ABCD2: variants seen among roughly 807,000 people sequenced by gnomAD.
ABCD2 encodes ATP binding cassette subfamily D member 2.
A neutral mutation model predicts 70.9 loss-of-function variants in ABCD2; 36 were observed. That is an observed-to-expected ratio of 0.51 (90% CI 0.39 to 0.67). The LOEUF (loss-of-function observed/expected upper bound fraction) is 0.67. Ranked by LOEUF, ABCD2 falls within the 30% of genes least tolerant of loss-of-function variation. The probability of loss-of-function intolerance (pLI) is 0.00; values close to 1 mark genes in which losing one functional copy is unlikely to be tolerated. For missense variants in ABCD2, 729 were observed against 890.2 expected (o/e 0.82, Z 2.30); for synonymous variants, 304 against 306.9 (o/e 0.99, Z 0.10).
chr12:39,553,975 T>G lies in ABCD2; in HGVS notation c.2160A>C (p.Leu720=), dbSNP rs772301519. 1 of 1,613,326 alleles carries G rather than the reference T, an allele frequency of 6.2e-7. No individual in the cohort carries two copies. The highest frequency in any genetic ancestry group is 1.7e-5 in the Admixed American group (1 of 59,946). ...IPKMQQRLNE[L]CKILGEDSVL... ...CTGAGTCTTCTCCCAAAATTTTACA[T>G]AGTTCATTGAGTCTCTGCTGCATTT... Residue 720 remains leucine, a synonymous_variant, in exon 10 of 10, where the codon CTA becomes CTC. Transcript: ENST00000308666.
chr12:39,579,418 G>T, intron 8 of ABCD2, 117 bp downstream of exon 8: 1 of 690,656 alleles, frequency 1.4e-6, no homozygotes. Context: ...TTTGTAGTAA[G>T]ATATTTTTAA....
At chr12:39,561,542 A>T (rs1941259194) in intron 9 of ABCD2, among the ~76,000 whole-genome samples, 1 of 152,212 alleles carries the variant, frequency 6.6e-6, no homozygotes, top group South Asian at 2.1e-4. Context: ...ACTAAAAGGC[A>T]TCAGGAGTAG....
At chr12:39,540,265 G>A in the ABCD2 span, among the ~76,000 whole-genome samples, 1 of 152,166 alleles carries the variant, frequency 6.6e-6, no homozygotes, top group African/African-American at 2.4e-5. Flanking sequence ...TGAGGACTAA[G>A]CTCTGATTTT....
intron 6 of ABCD2, among the ~76,000 whole-genome samples, chr12:39,591,667 G>T (rs1041517587): frequency 1.3e-5 from 2 of 152,112 alleles, no homozygotes; most frequent in Non-Finnish European, 2.9e-5. Context: ...AGCCAAGATT[G>T]TGTCACTGAA....
At chr12:39,617,946 T>G (rs1942139493) in intron 1 of ABCD2, among the ~76,000 whole-genome samples, 1 of 152,188 alleles carries the variant, frequency 6.6e-6, no homozygotes, top group African/African-American at 2.4e-5. Flanking sequence ...TTTAGGGATC[T>G]GCTTAATGTT....
At chr12:39,543,346 CTAAGTA>C in the ABCD2 span, among the ~76,000 whole-genome samples, 1 of 152,162 alleles carries the variant, frequency 6.6e-6, no homozygotes, top group Admixed American at 6.5e-5. Flanking sequence ...CCTCTCCTCT[CTAAGTA>C]TAATTTCTGT....
chr12:39,545,326 C>G (rs960725050), downstream of ABCD2, among the ~76,000 whole-genome samples: 3 of 152,066 alleles, frequency 2.0e-5, no homozygotes, highest in African/African-American at 7.2e-5. Context: ...AAGTCTCGCT[C>G]TTATCACCCA....
chr12:39,585,267 T>C (rs1474811742), intron 7 of ABCD2, among the ~76,000 whole-genome samples: 1 of 152,198 alleles, frequency 6.6e-6, no homozygotes, highest in African/African-American at 2.4e-5. Context: ...TATTTCATTC[T>C]TTTTGTGGCA....
chr12:39,579,717 A>T (rs1354984439), intron 7 of ABCD2, 98 bp from the exon 8 acceptor site: 1 of 896,764 alleles, frequency 1.1e-6, no homozygotes, highest in Admixed American at 2.2e-5. Flanking sequence ...TCAAATTGTC[A>T]ACATGAAGAA....
At chr12:39,563,816 C>T (rs1347861802) in intron 9 of ABCD2, among the ~76,000 whole-genome samples, 1 of 152,120 alleles carries the variant, frequency 6.6e-6, no homozygotes, top group African/African-American at 2.4e-5. Flanking sequence ...GTGATATTCC[C>T]CTTCCTGTGT....
chr12:39,598,895 T>C (rs932330954), intron 6 of ABCD2, among the ~76,000 whole-genome samples: 2 of 152,218 alleles, frequency 1.3e-5, no homozygotes, highest in African/African-American at 4.8e-5. Flanking sequence ...AAATAAATTC[T>C]ATGGTTTTTG....
chr12:39,618,402 G>A (rs377168708), intron 1 of ABCD2, among the ~76,000 whole-genome samples: 1 of 152,148 alleles, frequency 6.6e-6, no homozygotes, highest in East Asian at 1.9e-4. Flanking sequence ...AAATAATTCT[G>A]AGCATATTTG....
At chr12:39,585,815 T>C (rs1430687552) in intron 7 of ABCD2, among the ~76,000 whole-genome samples, 1 of 152,142 alleles carries the variant, frequency 6.6e-6, no homozygotes, top group Non-Finnish European at 1.5e-5. Flanking sequence ...AGCTGAGAGC[T>C]TGTAAGGCAA....
At chr12:39,579,837 A>G (rs1941572042) in intron 7 of ABCD2, among the ~76,000 whole-genome samples, 1 of 151,996 alleles carries the variant, frequency 6.6e-6, no homozygotes, top group Admixed American at 6.6e-5. Flanking sequence ...ATACTGACAA[A>G]TGATCTTACA....
intron 2 of ABCD2, among the ~76,000 whole-genome samples, chr12:39,616,537 T>C (rs897511164): frequency 3.9e-5 from 6 of 152,094 alleles, no homozygotes; most frequent in Non-Finnish European, 8.8e-5. Context: ...TTGTAGTCAA[T>C]GGACTTTTCA....
intron 7 of ABCD2, 115 bp downstream of exon 7, chr12:39,586,036 AT>A: frequency 1.1e-6 from 1 of 914,396 alleles, no homozygotes; most frequent in Admixed American, 3.0e-5. Context: ...CTTTACACTT[AT>A]GTGCTTATTT....
intron 8 of ABCD2, among the ~76,000 whole-genome samples, chr12:39,574,466 A>AT (rs1055786426): frequency 5.5e-4 from 84 of 152,058 alleles, no homozygotes; most frequent in Admixed American, 5.2e-3. Context: ...TTTTAAGCTT[A>AT]TTTTTTACTT....
In ABCD2 at chr12:39,591,183, A is replaced by G. The variant is rs150359264; in HGVS notation, c.1647-4886T>C. Among the ~76,000 whole-genome samples, 1,050 of 152,324 alleles carry G rather than the reference A, an allele frequency of 6.9e-3. 7 individuals carry two copies. Among genetic ancestry groups the G allele is most frequent in the South Asian group, 0.025 (121 of 4,826 alleles). On this transcript the variant is annotated intron_variant, in intron 6 of 9. Coordinates refer to ENST00000308666, the MANE Select transcript of ABCD2 (RefSeq NM_005164.4). ...AATTTAACTATCAATAATTCACATAACTATACATGCTGGAACCAATCATTG... is the reference window on the plus strand; with the variant it reads ...AATTTAACTATCAATAATTCACATAGCTATACATGCTGGAACCAATCATTG...
chr12:39,571,807 T>C (rs997963213), intron 9 of ABCD2, among the ~76,000 whole-genome samples: 2 of 152,222 alleles, frequency 1.3e-5, no homozygotes, highest in African/African-American at 4.8e-5. Context: ...AATAAGCTTC[T>C]ATAAATTTTT....
Sources: gnomAD v4.1 joint callset for allele counts (sites outside exome capture counted in the v4.1 genomes callset) on GRCh38, gnomAD v4.1.1 for gene constraint, MANE v1.5 for transcripts, NCBI Gene and HGNC (gene_info 2026-07-23, HGNC 2026-07-21) for gene names.